METTL25: variants seen among roughly 807,000 people sequenced by gnomAD.
METTL25 encodes probable methyltransferase-like protein 25.
Under a neutral mutation model 71.6 loss-of-function variants are expected in METTL25, and 64 were observed. The ratio of observed to expected loss-of-function variants is 0.89; its 90% CI spans 0.73 to 1.10. METTL25 has a LOEUF of 1.10. Ranked by LOEUF, METTL25 falls within the 50% of genes least tolerant of loss-of-function variation. The pLI, the probability that METTL25 is intolerant of heterozygous loss-of-function variation, is 0.00. For synonymous variants in METTL25, 287 were observed against 250.3 expected, an observed-to-expected ratio of 1.15 and a Z score of -1.38; for missense variants, 807 against 707.0, an observed-to-expected ratio of 1.14 and a Z score of -1.60.
At chr12:82,401,778 A>G (rs1488854769) in intron 4 of METTL25, among the ~76,000 whole-genome samples, 1 of 152,080 alleles carries the variant, frequency 6.6e-6, no homozygotes, top group Admixed American at 6.6e-5. Context: ...AATTTTAAAA[A>G]ACTAGAAATT....
intron 1 of METTL25, among the ~76,000 whole-genome samples, chr12:82,367,174 C>T (rs1449122081): frequency 1.3e-5 from 2 of 152,106 alleles, no homozygotes; most frequent in Non-Finnish European, 2.9e-5. Context: ...AGATTCCTTT[C>T]ATCTGTTGCA....
chr12:82,455,703 A>C (rs925400280), intron 8 of METTL25, among the ~76,000 whole-genome samples: 2 of 151,900 alleles, frequency 1.3e-5, no homozygotes, highest in African/African-American at 4.8e-5. Context: ...TAAGGAGAAA[A>C]AACTAAATAC....
At chr12:82,429,355 C>G (rs974336620) in intron 5 of METTL25, among the ~76,000 whole-genome samples, 8 of 144,966 alleles carry the variant, frequency 5.5e-5, no homozygotes, top group African/African-American at 2.0e-4. Flanking sequence ...CCGTTTCTAC[C>G]CATATTGCTG....
At chr12:82,408,014 G>A (rs142576829) in intron 5 of METTL25, 29 of 952,150 alleles carry the variant, frequency 3.0e-5, no homozygotes, top group Admixed American at 6.2e-5. Flanking sequence ...TAGCTGAGTC[G>A]AATTTGACAC....
At chr12:82,402,926 T>C in intron 4 of METTL25, 57 bp from the exon 5 acceptor site, 1 of 1,346,790 alleles carries the variant, frequency 7.4e-7, no homozygotes, top group Admixed American at 2.2e-5. Context: ...TAAATAAAAA[T>C]TTTAAACAAC....
chr12:82,382,202 A>G (rs963346121), intron 1 of METTL25, among the ~76,000 whole-genome samples: 1 of 152,216 alleles, frequency 6.6e-6, no homozygotes, highest in Non-Finnish European at 1.5e-5. Context: ...GAATGAATAC[A>G]AAATACTTCT....
chr12:82,359,433 T>C (rs1419154027), intron 1 of METTL25, among the ~76,000 whole-genome samples: 1 of 152,136 alleles, frequency 6.6e-6, no homozygotes, highest in Non-Finnish European at 1.5e-5. Flanking sequence ...TTCTAGGCCT[T>C]GGAAGGATTT....
intron 1 of METTL25, among the ~76,000 whole-genome samples, chr12:82,362,966 CAG>C (rs1023417097): frequency 6.6e-6 from 1 of 152,204 alleles, no homozygotes; most frequent in Non-Finnish European, 1.5e-5. Flanking sequence ...GGTAGGAAGT[CAG>C]AGTTTATGGC....
At chr12:82,362,465 T>C (rs1160077278) in intron 1 of METTL25, among the ~76,000 whole-genome samples, 2 of 152,186 alleles carry the variant, frequency 1.3e-5, no homozygotes, top group Non-Finnish European at 2.9e-5. Flanking sequence ...TAGAAAGGGA[T>C]ATCTTTCACG....
chr12:82,440,250 T>A (rs1890218583), intron 8 of METTL25, among the ~76,000 whole-genome samples: 1 of 151,978 alleles, frequency 6.6e-6, no homozygotes, highest in Non-Finnish European at 1.5e-5. Flanking sequence ...TCTCTTAGGA[T>A]CCTTACTACA....
At chr12:82,467,290 T>C (rs1210786471) in intron 9 of METTL25, among the ~76,000 whole-genome samples, 2 of 152,158 alleles carry the variant, frequency 1.3e-5, no homozygotes, top group Non-Finnish European at 1.5e-5. Flanking sequence ...TTACCTCTTA[T>C]TTATTTTTAT....
At chr12:82,410,770 T>C (rs191406516) in intron 5 of METTL25, among the ~76,000 whole-genome samples, 125 of 152,198 alleles carry the variant, frequency 8.2e-4, no homozygotes, top group Non-Finnish European at 1.3e-3. Context: ...AGATAAATGC[T>C]GGTCACATTG....
At chr12:82,439,512 A>C (rs1890168408) in intron 8 of METTL25, among the ~76,000 whole-genome samples, 1 of 151,864 alleles carries the variant, frequency 6.6e-6, no homozygotes, top group Non-Finnish European at 1.5e-5. Context: ...AAAATAATTC[A>C]CATTTATGAA....
intron 9 of METTL25, among the ~76,000 whole-genome samples, chr12:82,467,360 T>A: frequency 6.6e-6 from 1 of 152,138 alleles, no homozygotes; most frequent in Admixed American, 6.6e-5. Flanking sequence ...GTATCACCCT[T>A]ACCAGTGAGT....
chr12:82,374,986 G>C (rs1273888675), intron 1 of METTL25, among the ~76,000 whole-genome samples: 1 of 152,166 alleles, frequency 6.6e-6, no homozygotes. Context: ...AATTGGTAGT[G>C]CTTGGTGACT....
chr12:82,424,233 G>T (rs1331158492), intron 5 of METTL25, among the ~76,000 whole-genome samples: 1 of 152,166 alleles, frequency 6.6e-6, no homozygotes, highest in African/African-American at 2.4e-5. Flanking sequence ...CATGTCCTTT[G>T]TAGGGATATG....
intron 8 of METTL25, among the ~76,000 whole-genome samples, chr12:82,447,637 G>A (rs1890850305): frequency 6.6e-6 from 1 of 152,116 alleles, no homozygotes; most frequent in African/African-American, 2.4e-5. Flanking sequence ...GGAGTTGCGG[G>A]GAGCAGTGGA....
intron 9 of METTL25, among the ~76,000 whole-genome samples, chr12:82,476,061 A>C (rs530818739): frequency 2.6e-5 from 4 of 152,246 alleles, no homozygotes; most frequent in African/African-American, 9.6e-5. Context: ...TCAGTAACAA[A>C]GCTCATCTAG....
chr12:82,465,792 T>C (rs1027116664), intron 9 of METTL25, among the ~76,000 whole-genome samples: 1 of 152,052 alleles, frequency 6.6e-6, no homozygotes, highest in Non-Finnish European at 1.5e-5. Context: ...GTTATTGGTC[T>C]ATTCAGGTTT....
Sources: allele counts gnomAD v4.1 joint callset (sites outside exome capture counted in the v4.1 genomes callset), GRCh38; gene constraint gnomAD v4.1.1; transcripts MANE v1.5; gene names NCBI Gene and HGNC (gene_info 2026-07-23, HGNC 2026-07-21).